SORCS3: variants seen among roughly 807,000 people sequenced by gnomAD.
The protein encoded by SORCS3 is VPS10 domain-containing receptor SorCS3.
In SORCS3, 57 loss-of-function variants were observed where a neutral mutation model predicts 146.3. That is an observed-to-expected ratio of 0.39 (90% CI 0.31 to 0.49). The LOEUF (loss-of-function observed/expected upper bound fraction) is 0.49. Ranked by LOEUF, SORCS3 falls within the 20% of genes least tolerant of loss-of-function variation. The pLI is 0.92. For missense variants in SORCS3, 1,341 were observed against 1,575.5 expected (o/e 0.85, Z 2.52); for synonymous variants, 653 against 618.5 (o/e 1.06, Z -0.83).
At chr10:105,130,641 T>A (rs1186103183) in intron 7 of SORCS3, among the ~76,000 whole-genome samples, 1 of 152,168 alleles carries the variant, frequency 6.6e-6, no homozygotes, top group Admixed American at 6.5e-5. Flanking sequence ...TTATCTCATG[T>A]CTATTCTTGG....
chr10:105,214,386 A>ACACAT, intron 17 of SORCS3, 56 bp from the exon 18 acceptor site: 2 of 1,595,654 alleles, frequency 1.3e-6, no homozygotes, highest in Non-Finnish European at 1.7e-6. Flanking sequence ...ACACACATAC[A>ACACAT]ACAGCAACAA....
At chr10:104,722,469 G>T (rs2016561642) in intron 1 of SORCS3, among the ~76,000 whole-genome samples, 1 of 152,136 alleles carries the variant, frequency 6.6e-6, no homozygotes, top group Admixed American at 6.5e-5. Flanking sequence ...CCTGGCTTTG[G>T]TATCGGGATG....
At chr10:105,185,638 A>C (rs1414300933) in intron 14 of SORCS3, among the ~76,000 whole-genome samples, 1 of 152,234 alleles carries the variant, frequency 6.6e-6, no homozygotes, top group Non-Finnish European at 1.5e-5. Flanking sequence ...GCAAAGAATA[A>C]TATTACAAAG....
intron 1 of SORCS3, among the ~76,000 whole-genome samples, chr10:104,791,632 G>C (rs2017496366): frequency 1.3e-5 from 2 of 152,164 alleles, no homozygotes; most frequent in African/African-American, 4.8e-5. Flanking sequence ...TGAAGCTCAG[G>C]CTCTGCAGGG....
intron 1 of SORCS3, among the ~76,000 whole-genome samples, chr10:104,796,197 T>C (rs1238621953): frequency 6.6e-6 from 1 of 152,244 alleles, no homozygotes; most frequent in African/African-American, 2.4e-5. Context: ...TTCCATAGTT[T>C]GTTCCGGATT....
chr10:104,714,018 G>C lies in SORCS3; in HGVS notation c.627+72064G>C, dbSNP rs570401762. On this transcript the variant is annotated intron_variant, in intron 1 of 26. Coordinates refer to ENST00000369701, the MANE Select transcript of SORCS3 (RefSeq NM_014978.3). ...TTCAATGAATTGGTCCATTTTATAT[G>C]AAGTATCAAATTTGTAAGCATAGTT... 8.5e-5 allele frequency among the ~76,000 whole-genome samples: 13 copies of C among 152,210 alleles called. No individual in the cohort carries two copies. The South Asian group carries it at 2.1e-3, about 24-fold the overall frequency.
chr10:104,883,979 G>C (rs193114140), intron 2 of SORCS3, among the ~76,000 whole-genome samples: 16 of 149,018 alleles, frequency 1.1e-4, no homozygotes, highest in Admixed American at 3.3e-4. Flanking sequence ...GTGGAATGAG[G>C]GGGGGGAAAG....
chr10:105,235,127 C>T (rs2056785921), intron 20 of SORCS3, among the ~76,000 whole-genome samples: 1 of 152,044 alleles, frequency 6.6e-6, no homozygotes, highest in Non-Finnish European at 1.5e-5. Context: ...AGGTAGGTAT[C>T]TATGTTCTCC....
intron 2 of SORCS3, among the ~76,000 whole-genome samples, chr10:104,897,902 A>G (rs1019599390): frequency 1.3e-5 from 2 of 152,224 alleles, no homozygotes; most frequent in African/African-American, 4.8e-5. Context: ...TCTGCCGCCC[A>G]TACTGACTTC....
intron 13 of SORCS3, among the ~76,000 whole-genome samples, chr10:105,172,826 C>T (rs562627292): frequency 3.3e-5 from 5 of 152,214 alleles, no homozygotes; most frequent in Middle Eastern, 3.4e-3. Context: ...CCTACACTCA[C>T]GGTGGCTTGA....
intron 4 of SORCS3, among the ~76,000 whole-genome samples, chr10:105,006,705 C>A (rs1392372333): frequency 6.6e-6 from 1 of 152,192 alleles, no homozygotes; most frequent in East Asian, 1.9e-4. Flanking sequence ...CAAACACAGT[C>A]CTGTCTTGCA....
At chr10:104,804,641 G>A (rs2017662161) in intron 1 of SORCS3, among the ~76,000 whole-genome samples, 1 of 152,210 alleles carries the variant, frequency 6.6e-6, no homozygotes, top group Non-Finnish European at 1.5e-5. Context: ...TGTTCCATGA[G>A]CTGAGCTGCA....
intron 1 of SORCS3, among the ~76,000 whole-genome samples, chr10:104,819,789 A>G (rs1413600799): frequency 6.6e-6 from 1 of 152,194 alleles, no homozygotes; most frequent in Non-Finnish European, 1.5e-5. Flanking sequence ...AGAGAAGTTG[A>G]GGGCTGGAGA....
Position 104,842,882 on chromosome 10 carries a change from A to C in SORCS3, c.695+23A>C, listed in dbSNP as rs758443842. On this transcript the variant is annotated intron_variant, in intron 2 of 26. Coordinates refer to ENST00000369701, the MANE Select transcript of SORCS3 (RefSeq NM_014978.3). Reference sequence around the variant, plus strand: ...GAGGTAAGCAGATTAGAGATTCTTAAGGAGCCACCCTGGCTTGGCTCACAT... The same window carrying C: ...GAGGTAAGCAGATTAGAGATTCTTACGGAGCCACCCTGGCTTGGCTCACAT... 6 of 1,598,538 alleles carry C rather than the reference A, an allele frequency of 3.8e-6. No homozygotes were observed. In the Admixed American group the frequency reaches 8.3e-5, roughly 22 times the overall value.
chr10:105,150,242 A>G (rs1041636348), intron 9 of SORCS3, among the ~76,000 whole-genome samples: 2 of 152,154 alleles, frequency 1.3e-5, no homozygotes, highest in Non-Finnish European at 2.9e-5. Context: ...ACACAGCTTT[A>G]TTGCTTTTAA....
chr10:104,796,332 A>T (rs1006086786), intron 1 of SORCS3, among the ~76,000 whole-genome samples: 4 of 152,224 alleles, frequency 2.6e-5, no homozygotes, highest in African/African-American at 9.7e-5. Context: ...TTTGATGAGC[A>T]AATTCATCTT....
intron 2 of SORCS3, among the ~76,000 whole-genome samples, chr10:104,855,362 C>G (rs1350880378): frequency 6.6e-6 from 1 of 152,088 alleles, no homozygotes; most frequent in Non-Finnish European, 1.5e-5. Context: ...AATCAAAACC[C>G]TGGTGGGGTT....
At chr10:104,819,820 T>C (rs539018964) in intron 1 of SORCS3, among the ~76,000 whole-genome samples, 82 of 152,170 alleles carry the variant, frequency 5.4e-4, no homozygotes, top group Non-Finnish European at 1.1e-3. Context: ...AGCTGAGATG[T>C]GGAACTCAGG....
chr10:105,013,468 C>T (rs557857635), intron 4 of SORCS3, among the ~76,000 whole-genome samples: 1 of 152,064 alleles, frequency 6.6e-6, no homozygotes, highest in Non-Finnish European at 1.5e-5. Context: ...TCAAAAGAAA[C>T]TGTAGGCAAA....
Sources: allele counts gnomAD v4.1 joint callset (sites outside exome capture counted in the v4.1 genomes callset), GRCh38; gene constraint gnomAD v4.1.1; transcripts MANE v1.5; gene names NCBI Gene and HGNC (gene_info 2026-07-23, HGNC 2026-07-21).